Variants in FUT9 observed in about 807,000 individuals in gnomAD.
The protein encoded by FUT9 is 4-galactosyl-N-acetylglucosaminide 3-alpha-L-fucosyltransferase 9.
A neutral mutation model predicts 29.7 loss-of-function variants in FUT9; 15 were observed. The ratio of observed to expected loss-of-function variants is 0.51; its 90% confidence interval spans 0.34 to 0.78. FUT9 has a LOEUF of 0.78. Among genes scored for constraint, FUT9 ranks in the 30% least tolerant of loss-of-function variants. The probability of loss-of-function intolerance (pLI) is 0.01; values close to 1 mark genes in which losing one functional copy is unlikely to be tolerated. For synonymous variants in FUT9, 169 were observed against 153.7 expected, an observed-to-expected ratio of 1.10 and a Z score of -0.74; for missense variants, 319 against 425.4, an observed-to-expected ratio of 0.75 and a Z score of 2.20.
At chr6:96,098,819 A>G (rs1771542301) in intron 1 of FUT9, among the ~76,000 whole-genome samples, 1 of 152,174 alleles carries the variant, frequency 6.6e-6, no homozygotes, top group Non-Finnish European at 1.5e-5. Context: ...AATCTTAGGA[A>G]ATTTCAAATG....
At chr6:96,025,163 A>G (rs1190728982) in intron 1 of FUT9, among the ~76,000 whole-genome samples, 1 of 151,638 alleles carries the variant, frequency 6.6e-6, no homozygotes, top group Non-Finnish European at 1.5e-5. Context: ...ATTACTCTTT[A>G]CTATTGTCTG....
chr6:96,066,730 A>C lies in FUT9; in HGVS notation c.-97-47309A>C, dbSNP rs567426504. Among the ~76,000 whole-genome samples the C allele has an allele frequency of 6.6e-5, 10 of 152,240 alleles. No individual in the cohort carries two copies. The South Asian group carries it at 2.1e-3, about 32-fold the overall frequency. ...ATAAAAATCTTTGTATAACTCATAC[A>C]AATATATGTACTTTATTTCCAGAAC... On this transcript the variant is annotated intron_variant, in intron 1 of 2. Coordinates refer to ENST00000302103, the MANE Select transcript of FUT9 (RefSeq NM_006581.4).
chr6:96,065,289 G>C (rs1010475103), intron 1 of FUT9, among the ~76,000 whole-genome samples: 1 of 152,152 alleles, frequency 6.6e-6, no homozygotes, highest in African/African-American at 2.4e-5. Flanking sequence ...TAGTTGTTCA[G>C]TATGAATGTT....
chr6:96,088,184 A>G (rs1027904432), intron 1 of FUT9, among the ~76,000 whole-genome samples: 1 of 152,202 alleles, frequency 6.6e-6, no homozygotes, highest in Non-Finnish European at 1.5e-5. Flanking sequence ...GCACATGTAT[A>G]GCTATGTAAC....
intron 1 of FUT9, among the ~76,000 whole-genome samples, chr6:96,057,436 G>A (rs935512027): frequency 6.6e-6 from 1 of 152,106 alleles, no homozygotes; most frequent in Non-Finnish European, 1.5e-5. Flanking sequence ...TCAGACATAG[G>A]CACTGAATAA....
chr6:96,192,199 T>G (rs1773524685), intron 2 of FUT9, among the ~76,000 whole-genome samples: 1 of 152,032 alleles, frequency 6.6e-6, no homozygotes, highest in African/African-American at 2.4e-5. Flanking sequence ...GAAGTTCTGG[T>G]CAGGGCAATC....
At chr6:96,172,694 C>T (rs576964746) in intron 2 of FUT9, among the ~76,000 whole-genome samples, 34 of 151,974 alleles carry the variant, frequency 2.2e-4, no homozygotes, top group African/African-American at 6.3e-4. Context: ...TTAAGGCTGA[C>T]GAGTAGCAGC....
chr6:96,043,730 G>T (rs1770509830), intron 1 of FUT9, among the ~76,000 whole-genome samples: 1 of 152,172 alleles, frequency 6.6e-6, no homozygotes, highest in South Asian at 2.1e-4. Context: ...CTCCCACAGG[G>T]GCTTTTTGTA....
At chr6:96,098,521 A>G (rs964353327) in intron 1 of FUT9, among the ~76,000 whole-genome samples, 3 of 152,122 alleles carry the variant, frequency 2.0e-5, no homozygotes, top group African/African-American at 7.2e-5. Flanking sequence ...TATTTTTACC[A>G]TTAAATTCCA....
At chr6:96,172,685 T>C (rs556904723) in intron 2 of FUT9, among the ~76,000 whole-genome samples, 124 of 152,142 alleles carry the variant, frequency 8.2e-4, no homozygotes, top group African/African-American at 2.8e-3. Flanking sequence ...ACTAAAAGTT[T>C]AAGGCTGACG....
chr6:96,045,541 T>C (rs1196042066), intron 1 of FUT9, among the ~76,000 whole-genome samples: 1 of 152,240 alleles, frequency 6.6e-6, no homozygotes, highest in Non-Finnish European at 1.5e-5. Context: ...ACTTTAAGTG[T>C]TTAAATTACC....
intron 1 of FUT9, among the ~76,000 whole-genome samples, chr6:96,080,919 A>G (rs1429757238): frequency 6.6e-6 from 1 of 151,988 alleles, no homozygotes; most frequent in Non-Finnish European, 1.5e-5. Context: ...ATTAGCAACA[A>G]CATGTACCCT....
At chr6:96,097,923 A>G (rs1393425253) in intron 1 of FUT9, among the ~76,000 whole-genome samples, 1 of 152,124 alleles carries the variant, frequency 6.6e-6, no homozygotes, top group Non-Finnish European at 1.5e-5. Flanking sequence ...AAAAATATGC[A>G]TACAATTTCC....
intron 1 of FUT9, among the ~76,000 whole-genome samples, chr6:96,065,404 A>G (rs544374200): frequency 2.0e-5 from 3 of 152,252 alleles, no homozygotes; most frequent in Non-Finnish European, 4.4e-5. Context: ...CAGGAGCAAG[A>G]ACACTTGGAA....
At chr6:96,135,986 C>T (rs946070499) in intron 2 of FUT9, among the ~76,000 whole-genome samples, 2 of 150,300 alleles carry the variant, frequency 1.3e-5, no homozygotes, top group Non-Finnish European at 3.0e-5. Flanking sequence ...GAATCAATTA[C>T]CCATTGCCAA....
intron 1 of FUT9, among the ~76,000 whole-genome samples, chr6:96,032,975 C>A (rs903810220): frequency 6.6e-6 from 1 of 151,576 alleles, no homozygotes; most frequent in Non-Finnish European, 1.5e-5. Context: ...CTCGGCATGA[C>A]GGTTTTTGAC....
intron 1 of FUT9, among the ~76,000 whole-genome samples, chr6:96,040,155 A>G (rs1051740967): frequency 6.6e-6 from 1 of 152,174 alleles, no homozygotes; most frequent in Non-Finnish European, 1.5e-5. Flanking sequence ...TGCAGTGATT[A>G]TAAGTGATTG....
intron 2 of FUT9, among the ~76,000 whole-genome samples, chr6:96,146,051 G>A (rs1200082379): frequency 6.6e-6 from 1 of 152,044 alleles, no homozygotes; most frequent in African/African-American, 2.4e-5. Context: ...TATGTTGCCA[G>A]GGCTGGTCTC....
In FUT9 at chr6:96,139,230, C is replaced by G. The variant is rs143173008; in HGVS notation, c.-9+25103C>G. On this transcript the variant is annotated intron_variant, in intron 2 of 2. Coordinates refer to ENST00000302103, the MANE Select transcript of FUT9 (RefSeq NM_006581.4). Reference sequence around the variant, plus strand: ...GCAGGCCCCATGCAATTCTGAAATTCAACAGGGCAGTCAAATCTTAAAGCT... The same window carrying G: ...GCAGGCCCCATGCAATTCTGAAATTGAACAGGGCAGTCAAATCTTAAAGCT... Among the ~76,000 whole-genome samples, 919 of 152,260 alleles carry G rather than the reference C, an allele frequency of 6.0e-3. 14 individuals carry two copies. Among genetic ancestry groups the G allele is most frequent in the African/African-American group, 0.021 (882 of 41,558 alleles).
Sources: allele counts gnomAD v4.1 joint callset (sites outside exome capture counted in the v4.1 genomes callset), GRCh38; gene constraint gnomAD v4.1.1; transcripts MANE v1.5; gene names NCBI Gene and HGNC (gene_info 2026-07-23, HGNC 2026-07-21).